CTNNBL1: variants seen among roughly 807,000 people sequenced by gnomAD.
CTNNBL1 encodes the protein catenin beta like 1.
In CTNNBL1, 31 loss-of-function variants were observed where a neutral mutation model predicts 72.7. That is an observed-to-expected ratio of 0.43 (90% CI 0.32 to 0.58). The LOEUF (loss-of-function observed/expected upper bound fraction) is 0.58, where lower values mean the gene tolerates loss of function less well. CTNNBL1 is among the 20% of genes least tolerant of loss of function. The pLI is 0.08. For missense variants in CTNNBL1, 534 were observed against 725.1 expected (o/e 0.74, Z 3.03); for synonymous variants, 240 against 267.3 (o/e 0.90, Z 1.00).
chr20:37,790,443 G>A (rs1457760140), intron 10 of CTNNBL1, among the ~76,000 whole-genome samples: 1 of 152,160 alleles, frequency 6.6e-6, no homozygotes, highest in African/African-American at 2.4e-5. Context: ...TCTTGATGGG[G>A]CCGTATACAG....
chr20:37,871,593 A>C (rs910760), intron 15 of CTNNBL1, among the ~76,000 whole-genome samples: 114,040 of 152,044 alleles, frequency 0.75, 42,927 homozygotes, highest in East Asian at 0.85. Flanking sequence ...AAGGCCTTCG[A>C]TGCGTTGAGG....
Position 37,860,277 on chromosome 20 carries a change from C to A in CTNNBL1, c.1536C>A (p.Arg512=). Reference sequence around the variant, plus strand: ...CCCATTTTTTCCCTTATTAGATTCGCCAGAGGGTTCACCAGATCCTAAACA... The same window carrying A: ...CCCATTTTTTCCCTTATTAGATTCGACAGAGGGTTCACCAGATCCTAAACA... The part of the protein sequence containing the change: ...EICNANVPQI[R]QRVHQILNMR... The change falls in exon 15 of 16, where the codon CGC becomes CGA. Residue 512 remains arginine, a synonymous_variant. Coordinates refer to ENST00000361383, the MANE Select transcript of CTNNBL1 (RefSeq NM_030877.5). The A allele has an allele frequency of 1.2e-6, 2 of 1,613,896 alleles. No individual in the cohort carries two copies.
At chr20:37,813,240 A>G (rs899530543) in intron 11 of CTNNBL1, among the ~76,000 whole-genome samples, 5 of 152,180 alleles carry the variant, frequency 3.3e-5, no homozygotes, top group Non-Finnish European at 7.3e-5. Flanking sequence ...TGGAGATTAG[A>G]TAGTTAAGCA....
intron 3 of CTNNBL1, among the ~76,000 whole-genome samples, chr20:37,740,108 G>T (rs1003226493): frequency 5.3e-5 from 8 of 152,088 alleles, no homozygotes; most frequent in African/African-American, 2.4e-5. Context: ...TAAAAAAATC[G>T]GTAGTGTTTT....
chr20:37,823,133 T>C (rs1366559692), intron 11 of CTNNBL1, among the ~76,000 whole-genome samples: 2 of 152,254 alleles, frequency 1.3e-5, no homozygotes, highest in African/African-American at 4.8e-5. Context: ...TTTTATCTCC[T>C]CTCTGTGATG....
At chr20:37,854,613 G>A (rs966231073) in intron 13 of CTNNBL1, among the ~76,000 whole-genome samples, 12 of 145,764 alleles carry the variant, frequency 8.2e-5, no homozygotes, top group African/African-American at 2.8e-4. Context: ...TATTTGAGAC[G>A]GAGTTTTGCT....
intron 1 of CTNNBL1, among the ~76,000 whole-genome samples, chr20:37,717,753 G>T (rs1272484566): frequency 6.6e-6 from 1 of 152,072 alleles, no homozygotes; most frequent in South Asian, 2.1e-4. Context: ...AGGACCCTGC[G>T]GCCTTCCGTA....
intron 1 of CTNNBL1, among the ~76,000 whole-genome samples, chr20:37,717,390 C>T (rs1469374207): frequency 6.6e-6 from 1 of 152,218 alleles, no homozygotes; most frequent in Non-Finnish European, 1.5e-5. Flanking sequence ...ACTCCACTCT[C>T]CTCTCTTAGA....
At chr20:37,822,260 A>T (rs980922069) in intron 11 of CTNNBL1, among the ~76,000 whole-genome samples, 1 of 152,110 alleles carries the variant, frequency 6.6e-6, no homozygotes, top group Admixed American at 6.5e-5. Flanking sequence ...AACAGAGAAG[A>T]TGACATGGCC....
At chr20:37,711,622 GA>G (rs1428349009) in intron 1 of CTNNBL1, among the ~76,000 whole-genome samples, 3 of 149,904 alleles carry the variant, frequency 2.0e-5, no homozygotes, top group Non-Finnish European at 4.4e-5. Context: ...GAATATGAAG[GA>G]AAAAAATAGG....
chr20:37,701,094 C>T (rs574435621), intron 1 of CTNNBL1, among the ~76,000 whole-genome samples: 2 of 152,296 alleles, frequency 1.3e-5, no homozygotes, highest in African/African-American at 2.4e-5. Context: ...ACAGTCCTTA[C>T]GTATTTTGTG....
chr20:37,719,931 C>G (rs1402131612), intron 1 of CTNNBL1, among the ~76,000 whole-genome samples: 1 of 151,210 alleles, frequency 6.6e-6, no homozygotes, highest in Non-Finnish European at 1.5e-5. Flanking sequence ...GCCTTGATCT[C>G]CTGGGCTCTA....
chr20:37,817,154 C>T (rs2072067412), intron 11 of CTNNBL1, among the ~76,000 whole-genome samples: 1 of 152,150 alleles, frequency 6.6e-6, no homozygotes, highest in Admixed American at 6.5e-5. Flanking sequence ...CTGCTAGGGC[C>T]CCCCAAAGCC....
At chr20:37,804,758 A>G (rs1348126143) in intron 11 of CTNNBL1, among the ~76,000 whole-genome samples, 1 of 152,226 alleles carries the variant, frequency 6.6e-6, no homozygotes, top group Non-Finnish European at 1.5e-5. Flanking sequence ...CTCTGCGGTC[A>G]TGGCACTGAG....
At chr20:37,773,298 G>T (rs1204090900) in intron 7 of CTNNBL1, among the ~76,000 whole-genome samples, 1 of 152,216 alleles carries the variant, frequency 6.6e-6, no homozygotes, top group African/African-American at 2.4e-5. Flanking sequence ...AGGTAGCAGA[G>T]GTGAGCTACA....
chr20:37,846,109 TA>T (rs572824164), intron 13 of CTNNBL1, among the ~76,000 whole-genome samples: 199 of 152,074 alleles, frequency 1.3e-3, no homozygotes, highest in Non-Finnish European at 2.3e-3. Flanking sequence ...AGAATGGGCC[TA>T]GGGGTGGTGC....
At chr20:37,699,805 A>G (rs1336366410) in intron 1 of CTNNBL1, among the ~76,000 whole-genome samples, 3 of 152,172 alleles carry the variant, frequency 2.0e-5, no homozygotes, top group Non-Finnish European at 2.9e-5. Context: ...CCCCTGGTCT[A>G]AAATGATCTC....
chr20:37,732,706 A>AT (rs2073139630), intron 1 of CTNNBL1, among the ~76,000 whole-genome samples, 173 bp from the exon 2 acceptor site: 1 of 151,994 alleles, frequency 6.6e-6, no homozygotes, highest in Admixed American at 6.6e-5. Flanking sequence ...CTTTTTTTGT[A>AT]TTTTTTGTAG....
chr20:37,748,897 G>C (rs2073292587), intron 4 of CTNNBL1, among the ~76,000 whole-genome samples: 1 of 152,232 alleles, frequency 6.6e-6, no homozygotes, highest in Non-Finnish European at 1.5e-5. Flanking sequence ...ATCTTTGGCA[G>C]GTAACTGCCA....
Sources: gnomAD v4.1 joint callset for allele counts (sites outside exome capture counted in the v4.1 genomes callset) on GRCh38, gnomAD v4.1.1 for gene constraint, MANE v1.5 for transcripts, NCBI Gene and HGNC (gene_info 2026-07-23, HGNC 2026-07-21) for gene names.